DHRSX: variants seen among roughly 807,000 people sequenced by gnomAD.
DHRSX encodes polyprenol dehydrogenase.
A neutral mutation model predicts 34.0 loss-of-function variants in DHRSX; 31 were observed. That is an observed-to-expected ratio of 0.91 (90% confidence interval 0.69 to 1.23). DHRSX has a LOEUF of 1.23. DHRSX is among the 50% of genes most tolerant of loss of function. The pLI, the probability that DHRSX is intolerant of heterozygous loss-of-function variation, is 0.00. For synonymous variants in DHRSX, 201 were observed against 183.8 expected, an observed-to-expected ratio of 1.09 and a Z score of -0.76; for missense variants, 414 against 428.1, an observed-to-expected ratio of 0.97 and a Z score of 0.29.
chrX:2,389,304 G>T (rs1230579026), intron 3 of DHRSX, among the ~76,000 whole-genome samples: 1 of 152,118 alleles, frequency 6.6e-6, no homozygotes, highest in African/African-American at 2.4e-5. Context: ...GAAAGGCTGG[G>T]CCAGAGGCAG....
intron 3 of DHRSX, among the ~76,000 whole-genome samples, chrX:2,390,076 C>T (rs1231439674): frequency 3.3e-5 from 5 of 151,612 alleles, no homozygotes; most frequent in South Asian, 4.2e-4. Flanking sequence ...CCACCGTGCC[C>T]GGCCTCATTT....
At chrX:2,500,796 C>T in intron 1 of DHRSX, 21 bp downstream of exon 1, 1 of 1,090,550 alleles carries the variant, frequency 9.2e-7, no homozygotes, top group Non-Finnish European at 1.1e-6. Flanking sequence ...GGAGCCCTGA[C>T]CCCTGCCCCG....
chrX:2,231,121 C>A lies in DHRSX; in HGVS notation c.805-9892G>T, dbSNP rs1352844991. Among the ~76,000 whole-genome samples, 4 of 152,264 alleles carry A rather than the reference C, an allele frequency of 2.6e-5. No individual in the cohort carries two copies. The East Asian group carries it at 7.7e-4, about 29-fold the overall frequency. On this transcript the variant is annotated intron_variant, in intron 6 of 6. Transcript: ENST00000334651. The stretch of plus-strand genomic sequence containing the variant: ...AACCAAAGGAGGGCATTTATCCACT[C>A]AAGGGAAGAAGTTTCCCATCCAAAG...
chrX:2,468,494 C>T (rs2044532126), intron 1 of DHRSX, among the ~76,000 whole-genome samples: 1 of 127,180 alleles, frequency 7.9e-6, no homozygotes, highest in Non-Finnish European at 1.7e-5. Context: ...CAGACACGGA[C>T]ACTCAGAAGA....
intron 5 of DHRSX, among the ~76,000 whole-genome samples, chrX:2,247,321 G>C (rs1267647739): frequency 6.6e-6 from 1 of 151,092 alleles, no homozygotes; most frequent in African/African-American, 2.4e-5. Context: ...CAGATGAAAA[G>C]TAGAATATTA....
intron 3 of DHRSX, among the ~76,000 whole-genome samples, chrX:2,298,406 A>C (rs1395856669): frequency 6.6e-6 from 1 of 151,392 alleles, no homozygotes; most frequent in South Asian, 2.1e-4. Context: ...AAAAAAAAAA[A>C]AACAATTTTC....
At chrX:2,229,500 G>A (rs183719552) in intron 6 of DHRSX, among the ~76,000 whole-genome samples, 75 of 152,128 alleles carry the variant, frequency 4.9e-4, no homozygotes, top group African/African-American at 1.7e-3. Context: ...AATAGGTTTC[G>A]GGGCTGGATG....
At chrX:2,498,350 G>A (rs1485089351) in intron 1 of DHRSX, among the ~76,000 whole-genome samples, 2 of 152,164 alleles carry the variant, frequency 1.3e-5, no homozygotes, top group Non-Finnish European at 2.9e-5. Flanking sequence ...CACCAACAGC[G>A]AAGGCCTACC....
chrX:2,307,679 G>A (rs1295338418), intron 3 of DHRSX, among the ~76,000 whole-genome samples: 1 of 150,700 alleles, frequency 6.6e-6, no homozygotes, highest in African/African-American at 2.4e-5. Flanking sequence ...GCAGGAGAAT[G>A]GCATGAACCT....
chrX:2,410,292 G>C (rs181396344), intron 2 of DHRSX, among the ~76,000 whole-genome samples: 4 of 152,090 alleles, frequency 2.6e-5, no homozygotes, highest in African/African-American at 9.7e-5. Context: ...GGAGGGTCAC[G>C]GAAAAAGTGT....
At chrX:2,426,578 ATTCC>A (rs1755388533) in intron 1 of DHRSX, among the ~76,000 whole-genome samples, 1 of 99,786 alleles carries the variant, frequency 1.0e-5, no homozygotes, top group African/African-American at 4.0e-5. Context: ...TCTTTTCTTC[ATTCC>A]TTCCTTCCCT....
chrX:2,252,747 A>G (rs2016461360), intron 5 of DHRSX, among the ~76,000 whole-genome samples: 3 of 152,204 alleles, frequency 2.0e-5, no homozygotes, highest in African/African-American at 7.2e-5. Context: ...CAAGAGGGGC[A>G]CGTAGTTTCA....
chrX:2,359,820 G>A (rs2042905343), intron 3 of DHRSX, among the ~76,000 whole-genome samples: 1 of 152,112 alleles, frequency 6.6e-6, no homozygotes, highest in South Asian at 2.1e-4. Context: ...AACTATGTAG[G>A]AACAGCAAAA....
At chrX:2,407,479 G>A (rs1392601440) in intron 3 of DHRSX, among the ~76,000 whole-genome samples, 7 of 152,180 alleles carry the variant, frequency 4.6e-5, no homozygotes, top group African/African-American at 7.2e-5. Context: ...AGTTCTGTGC[G>A]TGGATGATTA....
intron 3 of DHRSX, among the ~76,000 whole-genome samples, chrX:2,321,506 G>T (rs1384911623): frequency 6.8e-6 from 1 of 146,546 alleles, no homozygotes; most frequent in Non-Finnish European, 1.5e-5. Context: ...GGTCGTGAAG[G>T]TGGGATCCTT....
At chrX:2,492,691 A>C (rs1486588366) in intron 1 of DHRSX, among the ~76,000 whole-genome samples, 5 of 145,780 alleles carry the variant, frequency 3.4e-5, no homozygotes, top group Admixed American at 1.4e-4. Context: ...GACTAGAGTG[A>C]TGATGTGGCT....
intron 1 of DHRSX, among the ~76,000 whole-genome samples, chrX:2,485,960 G>T: frequency 6.6e-6 from 1 of 151,806 alleles, no homozygotes; most frequent in Middle Eastern, 3.4e-3. Context: ...CTGAAGAAGA[G>T]AGGGAGGGTT....
intron 6 of DHRSX, among the ~76,000 whole-genome samples, chrX:2,236,079 T>C (rs2016008036): frequency 6.6e-6 from 1 of 151,502 alleles, no homozygotes. Flanking sequence ...GCCATTGTAC[T>C]CCAGCCTGGG....
At chrX:2,283,227 G>A (rs910995059) in intron 4 of DHRSX, among the ~76,000 whole-genome samples, 2 of 151,994 alleles carry the variant, frequency 1.3e-5, no homozygotes, top group African/African-American at 4.8e-5. Flanking sequence ...GGAACAGCCT[G>A]CCGCAGAGTC....
Sources: allele counts gnomAD v4.1 joint callset (sites outside exome capture counted in the v4.1 genomes callset), GRCh38; gene constraint gnomAD v4.1.1; transcripts MANE v1.5; gene names NCBI Gene and HGNC (gene_info 2026-07-23, HGNC 2026-07-21).